Variants in GPHN observed in about 807,000 individuals in gnomAD.
The protein encoded by GPHN is gephyrin.
GPHN carries 17 observed loss-of-function variants against 95.5 expected under a neutral mutation model. That is an observed-to-expected ratio of 0.18 (90% CI 0.12 to 0.27). GPHN has a LOEUF of 0.27. Among genes scored for constraint, GPHN ranks in the 10% least tolerant of loss-of-function variants. The pLI, the probability that GPHN is intolerant of heterozygous loss-of-function variation, is 1.00. For missense variants in GPHN, 660 were observed against 978.1 expected (o/e 0.67, Z 4.34); for synonymous variants, 320 against 322.5 (o/e 0.99, Z 0.08).
chr14:66,930,039 T>A (rs918217508), intron 8 of GPHN, among the ~76,000 whole-genome samples: 55 of 152,140 alleles, frequency 3.6e-4, no homozygotes, highest in African/African-American at 1.3e-3. Flanking sequence ...AAGTGAAGTG[T>A]GTTTCTTGTG....
the GPHN span, among the ~76,000 whole-genome samples, chr14:67,284,426 T>C: frequency 1.2e-5 from 1 of 83,400 alleles, no homozygotes; most frequent in African/African-American, 1.5e-4. Context: ...AGACCCTATC[T>C]CTTAAAAAAA....
chr14:67,259,414 C>T, the GPHN span, among the ~76,000 whole-genome samples: 1 of 151,722 alleles, frequency 6.6e-6, no homozygotes, highest in Non-Finnish European at 1.5e-5. Context: ...ACTTTGAGAC[C>T]AGCCTGGCCA....
At chr14:66,841,031 ATAGG>A (rs2062066697) in intron 4 of GPHN, among the ~76,000 whole-genome samples, 1 of 143,930 alleles carries the variant, frequency 6.9e-6, no homozygotes, top group African/African-American at 2.7e-5. Context: ...AGATATAGAT[ATAGG>A]TATAGATATA....
chr14:66,681,080 T>G, intron 1 of GPHN, 27 bp from the exon 2 acceptor site: 1 of 1,358,878 alleles, frequency 7.4e-7, no homozygotes, highest in Non-Finnish European at 1.0e-6. Flanking sequence ...AAATTAATTT[T>G]TTTTTCTTTT....
chr14:66,904,047 A>G (rs2065247566), intron 5 of GPHN, among the ~76,000 whole-genome samples: 1 of 152,034 alleles, frequency 6.6e-6, no homozygotes, highest in Non-Finnish European at 1.5e-5. Flanking sequence ...TTTGTGATAT[A>G]TTTATCTATT....
At chr14:67,050,327 A>G (rs1198669353) in intron 10 of GPHN, among the ~76,000 whole-genome samples, 1 of 152,250 alleles carries the variant, frequency 6.6e-6, no homozygotes, top group Non-Finnish European at 1.5e-5. Flanking sequence ...GACAGCAGAA[A>G]GCACTGCTTT....
the GPHN span, among the ~76,000 whole-genome samples, chr14:67,674,135 GA>G: frequency 6.6e-6 from 1 of 152,174 alleles, no homozygotes; most frequent in Non-Finnish European, 1.5e-5. Context: ...TTGCCACAGT[GA>G]AAAAAGATGA....
intron 4 of GPHN, among the ~76,000 whole-genome samples, chr14:66,839,556 A>T (rs913969611): frequency 6.6e-6 from 1 of 152,204 alleles, no homozygotes; most frequent in African/African-American, 2.4e-5. Flanking sequence ...TACAAAATGG[A>T]GGTATTTGAA....
intron 1 of GPHN, among the ~76,000 whole-genome samples, chr14:66,669,233 G>A (rs2066155167): frequency 6.6e-6 from 1 of 151,584 alleles, no homozygotes; most frequent in Non-Finnish European, 1.5e-5. Flanking sequence ...GCGTGGTGGC[G>A]CATGCCTGTA....
At chr14:67,598,664 G>T in the GPHN span, among the ~76,000 whole-genome samples, 1 of 151,990 alleles carries the variant, frequency 6.6e-6, no homozygotes, top group Non-Finnish European at 1.5e-5. Context: ...AAATTTTAGG[G>T]GGGCTATCAA....
chr14:66,757,629 A>G (rs2058611853), intron 2 of GPHN, among the ~76,000 whole-genome samples: 1 of 152,126 alleles, frequency 6.6e-6, no homozygotes, highest in Non-Finnish European at 1.5e-5. Flanking sequence ...GCCTCAAGTA[A>G]TCTGCCCACC....
chr14:66,634,639 A>G (rs1473081294), intron 1 of GPHN, among the ~76,000 whole-genome samples: 3 of 152,170 alleles, frequency 2.0e-5, no homozygotes, highest in Non-Finnish European at 4.4e-5. Context: ...TGGTAGTGGC[A>G]CTGGTGGGTT....
intron 8 of GPHN, among the ~76,000 whole-genome samples, chr14:66,932,856 TTGAG>T (rs1271047272): frequency 1.3e-5 from 2 of 152,112 alleles, no homozygotes; most frequent in African/African-American, 4.8e-5. Flanking sequence ...CAAAAATTAT[TTGAG>T]TGACCCATTT....
At chr14:66,807,486 A>G (rs1031196603) in intron 3 of GPHN, among the ~76,000 whole-genome samples, 3 of 152,230 alleles carry the variant, frequency 2.0e-5, no homozygotes, top group African/African-American at 4.8e-5. Flanking sequence ...GAGAGTTAAT[A>G]GTAGAATAAA....
chr14:67,021,597 C>G (rs1351845467), intron 9 of GPHN, among the ~76,000 whole-genome samples: 6 of 151,910 alleles, frequency 3.9e-5, no homozygotes, highest in African/African-American at 1.5e-4. Context: ...TTGGTAAAGC[C>G]AACTAGTTCT....
intron 4 of GPHN, among the ~76,000 whole-genome samples, chr14:66,875,302 CAT>C (rs202080525): frequency 0.012 from 1,833 of 152,292 alleles, 19 homozygotes; most frequent in Non-Finnish European, 0.018. Context: ...ACTGCAAAAA[CAT>C]AGCTAATTGT....
At chr14:66,586,513 C>T (rs575898770) in intron 1 of GPHN, among the ~76,000 whole-genome samples, 6 of 152,288 alleles carry the variant, frequency 3.9e-5, no homozygotes, top group African/African-American at 1.4e-4. Context: ...CATGTGTTTG[C>T]AGTGGGTGGT....
chr14:67,678,723 C>T, the GPHN span, among the ~76,000 whole-genome samples: 2 of 152,100 alleles, frequency 1.3e-5, no homozygotes, highest in African/African-American at 4.8e-5. Context: ...CTGCCTGACA[C>T]CCATGTATAT....
intron 9 of GPHN, among the ~76,000 whole-genome samples, chr14:67,021,805 C>T (rs1012664359): frequency 6.6e-6 from 1 of 151,986 alleles, no homozygotes; most frequent in African/African-American, 2.4e-5. Flanking sequence ...ATAGAGGCTA[C>T]GACTTAAGAG....
Sources: gnomAD v4.1 joint callset for allele counts (sites outside exome capture counted in the v4.1 genomes callset) on GRCh38, gnomAD v4.1.1 for gene constraint, MANE v1.5 for transcripts, NCBI Gene and HGNC (gene_info 2026-07-23, HGNC 2026-07-21) for gene names.